Variants in ATOH8 observed in about 807,000 individuals in gnomAD.
ATOH8 encodes the protein atonal bHLH transcription factor 8.
A neutral mutation model predicts 21.2 loss-of-function variants in ATOH8; 9 were observed. The ratio of observed to expected loss-of-function variants is 0.42; its 90% CI spans 0.26 to 0.74. ATOH8 has a LOEUF of 0.74. Among genes scored for constraint, ATOH8 ranks in the 30% least tolerant of loss-of-function variants. ATOH8 has a pLI of 0.24. For synonymous variants in ATOH8, 253 were observed against 224.0 expected, an observed-to-expected ratio of 1.13 and a Z score of -1.16; for missense variants, 524 against 470.9, an observed-to-expected ratio of 1.11 and a Z score of -1.04.
At chr2:85,781,396 G>A (rs2083114) in intron 2 of ATOH8, among the ~76,000 whole-genome samples, 1 of 151,318 alleles carries the variant, frequency 6.6e-6, no homozygotes, top group East Asian at 1.9e-4. Context: ...GTGAAACCCC[G>A]TCTCTACTAA....
Position 85,764,182 on chromosome 2 carries a change from G to A in ATOH8, c.960G>A (p.Lys320=). The change falls in exon 2 of 3, where the codon AAG becomes AAA. Residue 320 remains lysine, a splice_region_variant and synonymous_variant. Coordinates refer to ENST00000306279, the MANE Select transcript of ATOH8 (RefSeq NM_032827.7). ...LQAEGRAKKR[K]E is the part of the protein sequence containing the mutation. The stretch of plus-strand genomic sequence containing the variant: ...CCGAGGGACGTGCCAAGAAGCGCAA[G>A]GTATGCACCAGCTGGGTGGGCGGTA... The A allele has an allele frequency of 6.2e-7, 1 of 1,613,732 alleles. No homozygotes were observed. Among genetic ancestry groups the A allele is most frequent in the South Asian group, 1.1e-5 (1 of 91,068 alleles).
At position 85,766,519 on chromosome 2, in the gene ATOH8, C is replaced by G. The variant is rs150589965; in HGVS notation, c.960+2337C>G. ...GTGGTGACACATTTCTCATATGAAACCACTCAGGAAGCCCTGGCTGGCCCT... is the reference window on the plus strand; with the variant it reads ...GTGGTGACACATTTCTCATATGAAAGCACTCAGGAAGCCCTGGCTGGCCCT... On this transcript the variant is annotated intron_variant, in intron 2 of 2. Transcript: ENST00000306279. This position sits in a 1 kb window ranked among gnomAD's most constrained non-coding sequence, Gnocchi z 4.0. Among the ~76,000 whole-genome samples, 850 of 152,262 alleles carry G rather than the reference C, an allele frequency of 5.6e-3. 6 individuals are homozygous for G. The highest frequency in any genetic ancestry group is 8.6e-3 in the Non-Finnish European group (587 of 68,022).
rs373503520 is a variant in ATOH8 at position 85,754,343 on chromosome 2, C to T, written c.154C>T (p.Pro52Ser). ...CCGACTGGACTTGGAAGCGCCCGAGCCCCGCGCCGTAGCCACCAACGGGCT... is the reference window on the plus strand; with the variant it reads ...CCGACTGGACTTGGAAGCGCCCGAGTCCCGCGCCGTAGCCACCAACGGGCT... ...TFRLDLEAPE[P>S]RAVATNGLRD... Residue 52 changes from proline to serine, a missense_variant, in exon 1 of 3, where the codon CCC (proline) becomes TCC (serine). Physicochemically the swap from Pro to Ser is moderately conservative, Grantham distance 74. Coordinates refer to ENST00000306279, the MANE Select transcript of ATOH8 (RefSeq NM_032827.7). The T allele has an allele frequency of 7.2e-5, 115 of 1,607,684 alleles. No homozygotes were observed. The highest frequency in any genetic ancestry group is 4.2e-4 in the Admixed American group (25 of 59,788).
chr2:85,772,551 G>A (rs1460744253), intron 2 of ATOH8: 7 of 371,646 alleles, frequency 1.9e-5, no homozygotes, highest in Admixed American at 7.3e-5. Flanking sequence ...TTGGCAGCCC[G>A]CCCGGCCCTC....
intron 2 of ATOH8, chr2:85,781,072 G>A (rs1044102873): frequency 3.2e-5 from 32 of 987,948 alleles, no homozygotes; most frequent in Admixed American, 2.5e-4. Context: ...TCTGTCAAAC[G>A]CAAGGATGTC....
intron 1 of ATOH8, among the ~76,000 whole-genome samples, chr2:85,756,933 TC>T (rs1335068096): frequency 6.6e-6 from 1 of 152,014 alleles, no homozygotes; most frequent in Non-Finnish European, 1.5e-5. Context: ...TCCTTTTACT[TC>T]CCCCCTTACC....
At chr2:85,768,778 G>A (rs1680096890) in intron 2 of ATOH8, among the ~76,000 whole-genome samples, 1 of 152,198 alleles carries the variant, frequency 6.6e-6, no homozygotes, top group South Asian at 2.1e-4. Context: ...AGGGGGTGGG[G>A]AACCTGCATT....
rs1680031477 is a variant in ATOH8 at position 85,766,879 on chromosome 2, G to A, written c.960+2697G>A. On this transcript the variant is annotated intron_variant, in intron 2 of 2. Transcript: ENST00000306279. This position sits in a 1 kb window ranked among gnomAD's most constrained non-coding sequence, Gnocchi z 4.0. ...CCCTCTTTATCCGCTCTCTTGGTGG[G>A]GATGTGTGGCCCCACACTGAAGCCC... Among the ~76,000 whole-genome samples, 1 of 152,136 alleles carries A rather than the reference G, an allele frequency of 6.6e-6. No homozygotes were observed. Among genetic ancestry groups the A allele is most frequent in the South Asian group, 2.1e-4 (1 of 4,832 alleles).
intron 2 of ATOH8, chr2:85,774,391 A>G (rs1680270808): frequency 4.1e-5 from 40 of 985,534 alleles, no homozygotes; most frequent in Non-Finnish European, 4.8e-5. Context: ...GGCTCCCCAC[A>G]TCCCATCCTT....
intron 2 of ATOH8, among the ~76,000 whole-genome samples, chr2:85,765,147 C>A (rs1474332075): frequency 6.6e-6 from 1 of 152,218 alleles, no homozygotes; most frequent in Non-Finnish European, 1.5e-5. Context: ...GGGAGAGCAA[C>A]AGAGAGTGGG....
intron 2 of ATOH8, among the ~76,000 whole-genome samples, chr2:85,778,556 C>T (rs960639890): frequency 6.6e-6 from 1 of 152,192 alleles, no homozygotes; most frequent in Non-Finnish European, 1.5e-5. Context: ...CACGGGTGCC[C>T]CAGTGGTCCT....
At chr2:85,763,635 A>T (rs1679925905) in intron 1 of ATOH8, among the ~76,000 whole-genome samples, 1 of 152,182 alleles carries the variant, frequency 6.6e-6, no homozygotes, top group Non-Finnish European at 1.5e-5. Flanking sequence ...CAGAGCTGAA[A>T]AAACAAAATG....
rs187248771 is a variant in ATOH8 at position 85,755,693 on chromosome 2, C to A, written c.768+736C>A. Reference sequence around the variant, plus strand: ...TTTAGTTTGGGGCTGGTGCGGGCTGCCCTCACCAGACAGTGCCCCTGCGCA... The same window carrying A: ...TTTAGTTTGGGGCTGGTGCGGGCTGACCTCACCAGACAGTGCCCCTGCGCA... On this transcript the variant is annotated intron_variant, in intron 1 of 2. Transcript: ENST00000306279. 3.2e-3 allele frequency among the ~76,000 whole-genome samples: 484 copies of A among 152,232 alleles called. 2 individuals carry two copies. Among genetic ancestry groups the A allele is most frequent in the African/African-American group, 0.011 (476 of 41,532 alleles).
At chr2:85,755,079 C>G in intron 1 of ATOH8, 122 bp downstream of exon 1, 8 of 1,332,820 alleles carry the variant, frequency 6.0e-6, no homozygotes, top group Non-Finnish European at 8.0e-6. Context: ...CGGTCCGACC[C>G]TGGTGCCCAG....
At chr2:85,755,951 C>T (rs141982376) in intron 1 of ATOH8, among the ~76,000 whole-genome samples, 21 of 151,362 alleles carry the variant, frequency 1.4e-4, no homozygotes, top group Middle Eastern at 3.4e-3. Flanking sequence ...TGTGTGACTC[C>T]AGGAATGTTG....
intron 2 of ATOH8, chr2:85,773,132 A>G (rs1239303401): frequency 6.2e-6 from 2 of 323,766 alleles, no homozygotes; most frequent in South Asian, 5.1e-5. Context: ...ATGTCTCCTC[A>G]GAGGGAGGGT....
Position 85,790,108 on chromosome 2 carries a change from T to C in ATOH8, c.*3218T>C, listed in dbSNP as rs1680729847. Among the ~76,000 whole-genome samples the C allele has an allele frequency of 6.6e-6, 1 of 152,236 alleles. No individual in the cohort carries two copies. Among genetic ancestry groups the C allele is most frequent in the Non-Finnish European group, 1.5e-5 (1 of 68,046 alleles). ...CAGCAAAATATAAATGACGAGGAGC[T>C]GCCCTCATGGGGCCCTGTGAAAGCA... On this transcript the variant is annotated 3_prime_UTR_variant, in exon 3 of 3. Coordinates refer to ENST00000306279, the MANE Select transcript of ATOH8 (RefSeq NM_032827.7).
intron 2 of ATOH8, among the ~76,000 whole-genome samples, chr2:85,777,789 C>A (rs987266873): frequency 6.6e-6 from 1 of 152,218 alleles, no homozygotes; most frequent in African/African-American, 2.4e-5. Flanking sequence ...CCCAGAGCCT[C>A]CAGTGGAGCC....
At chr2:85,778,335 T>A (rs983287759) in intron 2 of ATOH8, among the ~76,000 whole-genome samples, 3 of 151,994 alleles carry the variant, frequency 2.0e-5, no homozygotes, top group Non-Finnish European at 2.9e-5. Flanking sequence ...TGTGTGGCAG[T>A]GAGTAAAGAC....
Sources: allele counts gnomAD v4.1 joint callset (sites outside exome capture counted in the v4.1 genomes callset), GRCh38; gene constraint gnomAD v4.1.1; non-coding constraint Gnocchi (gnomAD v3.1); transcripts MANE v1.5; gene names NCBI Gene and HGNC (gene_info 2026-07-23, HGNC 2026-07-21).